The following STARD4 variants were observed in gnomAD, a reference collection of about 807,000 sequenced individuals.
STARD4 encodes the protein StAR related lipid transfer domain containing 4.
STARD4 carries 33 observed loss-of-function variants against 24.9 expected under a neutral mutation model. That is an observed-to-expected ratio of 1.32 (90% CI 1.00 to 1.77). The LOEUF (loss-of-function observed/expected upper bound fraction) is 1.77, where lower values mean the gene tolerates loss of function less well. Ranked by LOEUF, STARD4 falls within the 40% of genes most tolerant of loss-of-function variation. The pLI is 0.00. For synonymous variants in STARD4, 88 were observed against 77.4 expected (o/e 1.14, Z -0.72); for missense variants, 238 against 249.3 (o/e 0.95, Z 0.31).
At chr5:111,500,230 C>T in intron 5 of STARD4, 124 bp from the exon 6 acceptor site, 3 of 1,377,682 alleles carry the variant, frequency 2.2e-6, no homozygotes, top group Non-Finnish European at 2.8e-6. Context: ...AAAATTAAAT[C>T]CCAAAGTGAC....
At position 111,497,387 on chromosome 5, in the gene STARD4, A is replaced by G. The variant is rs1330493487; in HGVS notation, c.*2499T>C. 2 of 152,058 alleles carry G rather than the reference A, an allele frequency of 1.3e-5. No homozygotes were observed. Among genetic ancestry groups the G allele is most frequent in the Admixed American group, 6.6e-5 (1 of 15,256 alleles). The allele number at this position is 152,058 out of a possible 1,614,324, so 9.4% of individuals were successfully genotyped here. A position where few individuals can be genotyped will look rare whatever the true frequency, so the allele number is the denominator to read the frequency against. ...TTATTGTCTATTTCATCTTACTACA[A>G]GACAAATTAATAAATATGCTATAGG... On this transcript the variant is annotated 3_prime_UTR_variant, in exon 6 of 6. Coordinates refer to ENST00000296632, the MANE Select transcript of STARD4 (RefSeq NM_139164.3).
rs973316815 is a variant in STARD4 at position 111,499,907 on chromosome 5, A to G, written c.597T>C (p.Gly199=). 2.5e-6 allele frequency: 4 copies of G among 1,613,944 alleles called. No individual in the cohort carries two copies. The highest frequency in any genetic ancestry group is 2.7e-5 in the African/African-American group (2 of 74,908). Residue 199 remains glycine (G), a synonymous_variant, in exon 6 of 6, where the codon GGT becomes GGC. Coordinates refer to ENST00000296632, the MANE Select transcript of STARD4 (RefSeq NM_139164.3). ...AMASTLTNFY[G]DLRKAL is the part of the protein sequence containing the mutation. ...CCTCTCATAAAGCTTTTCGTAAATC[A>G]CCATAGAAGTTGGTTAAAGTGCTTG...
Position 111,507,248 on chromosome 5 carries a change from G to T in STARD4, c.105+81C>A. 8.9e-7 allele frequency: 1 copy of T among 1,122,400 alleles called. No individual in the cohort carries two copies. The highest frequency in any genetic ancestry group is 1.3e-6 in the Non-Finnish European group (1 of 774,732). 69.5% of individuals were successfully genotyped at this position (1,122,400 alleles called of 1,614,324 possible). A position where few individuals can be genotyped will look rare whatever the true frequency, so the allele number is the denominator to read the frequency against. On this transcript the variant is annotated intron_variant, in intron 2 of 5. Coordinates refer to ENST00000296632, the MANE Select transcript of STARD4 (RefSeq NM_139164.3). The surrounding 1 kb of genome is among the most constrained non-coding windows in gnomAD (Gnocchi z 4.4). Reference sequence around the variant, plus strand: ...CCAAAGTATGGTCTTTGTCCATATTGTTCCATTTAATTTTAAAAGTCATCA... The same window carrying T: ...CCAAAGTATGGTCTTTGTCCATATTTTTCCATTTAATTTTAAAAGTCATCA...
rs535754820 is a variant in STARD4, at chr5:111,506,572, C to T, written c.106-193G>A. On this transcript the variant is annotated intron_variant, in intron 2 of 5. Coordinates refer to ENST00000296632, the MANE Select transcript of STARD4 (RefSeq NM_139164.3). ...TTCTTCTGTATCCTAAAGTTCTTCA[C>T]ATTGTACTTAAATTACAGACCTCCA... Among the ~76,000 whole-genome samples the T allele has an allele frequency of 3.3e-5, 5 of 152,262 alleles. No homozygotes were observed. In the East Asian group the frequency reaches 9.6e-4, roughly 29 times the overall value.
chr5:111,506,202 A>G (rs533225638), intron 3 of STARD4, 128 bp downstream of exon 3: 1 of 316,864 alleles, frequency 3.2e-6, no homozygotes, highest in South Asian at 7.5e-5. Flanking sequence ...TCAAAAAAAA[A>G]AAAAAAAAAA....
rs147486711 is a variant in STARD4 at position 111,512,184 on chromosome 5, G to C, written c.-10+201C>G. The C allele has an allele frequency of 7.8e-3, 1,183 of 152,452 alleles. 10 individuals are homozygous for C. Among genetic ancestry groups the C allele is most frequent in the Middle Eastern group, 0.037 (11 of 296 alleles). The allele number at this position is 152,452 out of a possible 1,614,324, so 9.4% of individuals were successfully genotyped here. ...TCCAGCTCGCCGCTTCCCCTCCCAGGGGCTCAGGTTTCTCTTTCATCTGTG... is the reference window on the plus strand; with the variant it reads ...TCCAGCTCGCCGCTTCCCCTCCCAGCGGCTCAGGTTTCTCTTTCATCTGTG... On this transcript the variant is annotated intron_variant, in intron 1 of 5. Coordinates refer to ENST00000296632, the MANE Select transcript of STARD4 (RefSeq NM_139164.3).
At position 111,502,002 on chromosome 5, in the gene STARD4, C is replaced by A. The variant is rs984259867; in HGVS notation, c.242G>T (p.Ser81Ile). The A allele has an allele frequency of 1.9e-6, 3 of 1,614,032 alleles. No homozygotes were observed. The highest frequency in any genetic ancestry group is 1.7e-5 in the Admixed American group (1 of 60,004). Reference sequence around the variant, plus strand: ...CAGAATATCCAAAGAAGTCATCAAGCTGTCCCAATCCAAACGACAAGGCCC... The same window carrying A: ...CAGAATATCCAAAGAAGTCATCAAGATGTCCCAATCCAAACGACAAGGCCC... The part of the protein sequence containing the change: ...RPGPCRLDWD[S>I]LMTSLDILEN... The change falls in exon 4 of 6, where the codon AGC becomes ATC. Residue 81 changes from serine (S) to isoleucine (I), a missense_variant. Transcript: ENST00000296632.
chr5:111,502,231 G>A, intron 3 of STARD4, 143 bp from the exon 4 acceptor site: 1 of 952,250 alleles, frequency 1.1e-6, no homozygotes, highest in African/African-American at 1.6e-5. Flanking sequence ...CATTCTGGGA[G>A]GCTGAGGTGA....
In STARD4 at chr5:111,502,095, A is replaced by G. The variant is rs1374435715; in HGVS notation, c.156-7T>C. ...AACACCTTGGGCTTTGTAGCTGGAG[A>G]AAAAAAGTTTAAGTCAACCGCTGTT... On this transcript the variant is annotated splice_region_variant and splice_polypyrimidine_tract_variant and intron_variant, in intron 3 of 5. Coordinates refer to ENST00000296632, the MANE Select transcript of STARD4 (RefSeq NM_139164.3). The G allele has an allele frequency of 6.2e-7, 1 of 1,607,986 alleles. No homozygotes were observed. Among genetic ancestry groups the G allele is most frequent in the Non-Finnish European group, 8.5e-7 (1 of 1,178,068 alleles).
At chr5:111,512,025 G>A (rs1016259735) in intron 1 of STARD4, among the ~76,000 whole-genome samples, 2 of 152,148 alleles carry the variant, frequency 1.3e-5, no homozygotes, top group African/African-American at 4.8e-5. Context: ...CCAAAGAACA[G>A]GACTGTCCCA....
intron 1 of STARD4, among the ~76,000 whole-genome samples, chr5:111,511,250 C>T (rs1757249009): frequency 6.6e-6 from 1 of 151,728 alleles, no homozygotes; most frequent in South Asian, 2.1e-4. Flanking sequence ...AATAGTGAGC[C>T]AACTTACTGT....
intron 1 of STARD4, among the ~76,000 whole-genome samples, chr5:111,510,415 C>A (rs1030481760): frequency 6.6e-6 from 1 of 152,144 alleles, no homozygotes; most frequent in Admixed American, 6.5e-5. Context: ...GTTTTAAATG[C>A]CATTCTGAAC....
In STARD4 at chr5:111,500,591, A is replaced by G. The variant is rs1051706271; in HGVS notation, c.397+411T>C. On this transcript the variant is annotated intron_variant, in intron 5 of 5. Transcript: ENST00000296632. ...TAGAAAACAGGAGCCTTCCAATGGC[A>G]GTATTTTTAATCTTGAAAAGAAAAA... 3 of 1,100,736 alleles carry G rather than the reference A, an allele frequency of 2.7e-6. No homozygotes were observed. In the African/African-American group the frequency reaches 5.0e-5, roughly 18 times the overall value. The allele number at this position is 1,100,736 out of a possible 1,614,324, so 68.2% of individuals were successfully genotyped here.
rs1292893103 is a variant in STARD4, at chr5:111,507,675, AC to A, written c.-9-234del. Among the ~76,000 whole-genome samples the A allele has an allele frequency of 2.0e-5, 3 of 152,206 alleles. No individual in the cohort carries two copies. The highest frequency in any genetic ancestry group is 7.2e-5 in the African/African-American group (3 of 41,450). ...CAGAGGTGAGAATTACATATTTTTT[AC>A]AATTAAAATCACTCATACAGAAAGT... is the stretch of plus-strand genomic sequence containing the variant. On this transcript the variant is annotated intron_variant, in intron 1 of 5. Coordinates refer to ENST00000296632, the MANE Select transcript of STARD4 (RefSeq NM_139164.3). This position sits in a 1 kb window ranked among gnomAD's most constrained non-coding sequence, Gnocchi z 4.4.
intron 3 of STARD4, among the ~76,000 whole-genome samples, chr5:111,503,626 TCAAA>T (rs750810147): frequency 9.1e-4 from 139 of 152,146 alleles, no homozygotes; most frequent in East Asian, 2.3e-3. Flanking sequence ...AAACTCCGTC[TCAAA>T]CAAACAAACA....
intron 5 of STARD4, 154 bp from the exon 6 acceptor site, chr5:111,500,260 G>A: frequency 3.7e-6 from 5 of 1,352,808 alleles, no homozygotes; most frequent in Non-Finnish European, 4.7e-6. Flanking sequence ...GTGAAAAAGA[G>A]ACTTACCAAG....
chr5:111,509,480 A>G (rs1185054041), intron 1 of STARD4, among the ~76,000 whole-genome samples: 1 of 152,114 alleles, frequency 6.6e-6, no homozygotes, highest in Admixed American at 6.5e-5. Flanking sequence ...GCTCCTTACT[A>G]TAGCTTACAG....
rs1344366129 is a variant in STARD4 at position 111,499,088 on chromosome 5, G to GTGCA, written c.*794_*797dup. On this transcript the variant is annotated 3_prime_UTR_variant, in exon 6 of 6. Coordinates refer to ENST00000296632, the MANE Select transcript of STARD4 (RefSeq NM_139164.3). ...AACACGGAAATGGATTTCGAGATGT[G>GTGCA]TGCATGTACACAAAAAAATATATAC... 2 of 152,140 alleles carry GTGCA rather than the reference G, an allele frequency of 1.3e-5. No individual in the cohort carries two copies. The highest frequency in any genetic ancestry group is 2.9e-5 in the Non-Finnish European group (2 of 68,034). The allele number at this position is 152,140 out of a possible 1,614,324, so 9.4% of individuals were successfully genotyped here.
At position 111,499,102 on chromosome 5, in the gene STARD4, A is replaced by G. The variant is rs1184408950; in HGVS notation, c.*784T>C. The G allele has an allele frequency of 6.6e-6, 1 of 152,216 alleles. No homozygotes were observed. The highest frequency in any genetic ancestry group is 2.4e-5 in the African/African-American group (1 of 41,452). 9.4% of individuals were successfully genotyped at this position (152,216 alleles called of 1,614,324 possible). The stretch of plus-strand genomic sequence containing the variant: ...TTTCGAGATGTGTGCATGTACACAA[A>G]AAAATATATACAAAGATTTGCCTGG... On this transcript the variant is annotated 3_prime_UTR_variant, in exon 6 of 6. Transcript: ENST00000296632.
Sources: gnomAD v4.1 joint callset for allele counts (sites outside exome capture counted in the v4.1 genomes callset) on GRCh38, gnomAD v4.1.1 for gene constraint, Gnocchi (gnomAD v3.1) non-coding constraint, MANE v1.5 for transcripts, NCBI Gene and HGNC (gene_info 2026-07-23, HGNC 2026-07-21) for gene names.